The following KIFC3 variants were observed in gnomAD, a reference collection of about 807,000 sequenced individuals.
KIFC3 encodes kinesin family member C3.
KIFC3 carries 60 observed loss-of-function variants against 101.8 expected under a neutral mutation model. The observed-to-expected ratio is 0.59, with a 90% CI of 0.48 to 0.73. The LOEUF (loss-of-function observed/expected upper bound fraction) is 0.73. Among genes scored for constraint, KIFC3 ranks in the 30% least tolerant of loss-of-function variants. KIFC3 has a pLI of 0.00. For missense variants in KIFC3, 966 were observed against 1,137.1 expected (o/e 0.85, Z 2.16); for synonymous variants, 476 against 482.7 (o/e 0.99, Z 0.18).
chr16:57,843,134 A>G (rs1388887307), intron 1 of KIFC3, among the ~76,000 whole-genome samples: 2 of 152,162 alleles, frequency 1.3e-5, no homozygotes, highest in African/African-American at 4.8e-5. Flanking sequence ...ATTCTGTCTC[A>G]AAAAATATAT....
chr16:57,786,464 G>T (rs1433652006), intron 3 of KIFC3, among the ~76,000 whole-genome samples: 4 of 152,146 alleles, frequency 2.6e-5, no homozygotes, highest in Admixed American at 2.6e-4. Context: ...AGGGCGCCAA[G>T]AATGGCCATG....
intron 6 of KIFC3, 77 bp from the exon 7 acceptor site, chr16:57,770,777 C>G (rs2051064832): frequency 2.4e-6 from 3 of 1,237,242 alleles, no homozygotes; most frequent in Non-Finnish European, 3.2e-6. Flanking sequence ...CGCAGCAGGC[C>G]AGGGGAAGGA....
At chr16:57,831,296 C>G (rs2149294924) in intron 1 of KIFC3, among the ~76,000 whole-genome samples, 1 of 152,322 alleles carries the variant, frequency 6.6e-6, no homozygotes, top group Admixed American at 6.5e-5. Context: ...GCTCTTGTGA[C>G]TCTTCCAATA....
chr16:57,860,891 T>C (rs1959235466), intron 1 of KIFC3, among the ~76,000 whole-genome samples: 1 of 152,050 alleles, frequency 6.6e-6, no homozygotes, highest in South Asian at 2.1e-4. Flanking sequence ...TTTATATCTT[T>C]TGTAAAGACA....
upstream of KIFC3, chr16:57,803,087 C>T (rs2054842132): frequency 1.3e-6 from 2 of 1,490,540 alleles, no homozygotes; most frequent in Admixed American, 2.0e-5. Flanking sequence ...GCCTTCTAGC[C>T]ACAGCACTTC....
intron 3 of KIFC3, among the ~76,000 whole-genome samples, chr16:57,792,118 C>T (rs897091604): frequency 6.6e-6 from 1 of 152,192 alleles, no homozygotes; most frequent in Non-Finnish European, 1.5e-5. Flanking sequence ...TCCTTCAAGG[C>T]TCTGTGGAAA....
chr16:57,759,907 C>G, intron 17 of KIFC3, 71 bp from the exon 18 acceptor site: 1 of 1,188,880 alleles, frequency 8.4e-7, no homozygotes, highest in Non-Finnish European at 1.2e-6. Flanking sequence ...GTGCTTCTCT[C>G]TACTCCCCTG....
At chr16:57,821,130 T>TA (rs35996609) in intron 1 of KIFC3, among the ~76,000 whole-genome samples, 46,995 of 143,106 alleles carry the variant, frequency 0.33, 7,684 homozygotes, top group Middle Eastern at 0.38. Flanking sequence ...GCCTGTGTAT[T>TA]AAAAAAAAAA....
intron 1 of KIFC3, among the ~76,000 whole-genome samples, chr16:57,831,502 A>G (rs2055579939): frequency 6.6e-6 from 1 of 152,188 alleles, no homozygotes; most frequent in African/African-American, 2.4e-5. Flanking sequence ...TGATGTGGGC[A>G]CAAGACCCCG....
chr16:57,813,979 A>G (rs1555628282), intron 1 of KIFC3: 2 of 561,102 alleles, frequency 3.6e-6, no homozygotes, highest in South Asian at 7.7e-5. Flanking sequence ...TCCTCATGCT[A>G]TAGATTTGAC....
upstream of KIFC3, chr16:57,807,792 C>CG (rs1227675953): frequency 6.6e-6 from 1 of 151,770 alleles, no homozygotes; most frequent in East Asian, 1.9e-4. Context: ...AAGCCAGGCG[C>CG]GGTGGCACAG....
chr16:57,758,770 G>C lies in KIFC3; in HGVS notation c.*164C>G. On this transcript the variant is annotated 3_prime_UTR_variant, in exon 20 of 20. Transcript: ENST00000445690. ...CTGAACATGTTTCTCATCTTTGAGG[G>C]GAGACGGGGCAGAAGAAGAGCCTCC... is the stretch of plus-strand genomic sequence containing the variant. The C allele has an allele frequency of 9.2e-7, 1 of 1,085,894 alleles. No homozygotes were observed. Among genetic ancestry groups the C allele is most frequent in the Non-Finnish European group, 1.4e-6 (1 of 709,086 alleles). The allele number at this position is 1,085,894 out of a possible 1,614,324, so 67.3% of individuals were successfully genotyped here. A position where few individuals can be genotyped will look rare whatever the true frequency, so the allele number is the denominator to read the frequency against.
upstream of KIFC3, among the ~76,000 whole-genome samples, chr16:57,806,819 T>C (rs1267336521): frequency 6.6e-6 from 1 of 152,204 alleles, no homozygotes; most frequent in African/African-American, 2.4e-5. Flanking sequence ...CATTCTGGAG[T>C]GAGCCGCATA....
At chr16:57,854,604 G>A (rs2056125400) in intron 1 of KIFC3, among the ~76,000 whole-genome samples, 1 of 150,616 alleles carries the variant, frequency 6.6e-6, no homozygotes, top group Admixed American at 6.7e-5. Flanking sequence ...CTCCAGCCTG[G>A]GTGACAGAGC....
Position 57,761,144 on chromosome 16 carries a change from T to G in KIFC3, c.1900A>C (p.Thr634Pro). 6.2e-7 allele frequency: 1 copy of G among 1,613,910 alleles called. No individual in the cohort carries two copies. The highest frequency in any genetic ancestry group is 8.5e-7 in the Non-Finnish European group (1 of 1,179,944). Residue 634 changes from threonine (T) to proline (P), a missense_variant, in exon 15 of 20, where the codon ACG becomes CCG. Coordinates refer to ENST00000445690, the MANE Select transcript of KIFC3 (RefSeq NM_001130100.2). ...KVFEFGHTNR[T>P]TEFTNLNEHS... ...TCGTTCAGGTTGGTGAACTCGGTCG[T>G]GCGATTAGTGTGGCCAAACTCAAAC...
At chr16:57,807,921 T>A (rs1598182633), upstream of KIFC3, 2 of 91,830 alleles carry the variant, frequency 2.2e-5, no homozygotes, top group African/African-American at 4.4e-5. Flanking sequence ...CAGAGCAAGA[T>A]CCTGTCTTAA....
intron 3 of KIFC3, among the ~76,000 whole-genome samples, chr16:57,789,221 A>G (rs529772981): frequency 6.6e-6 from 1 of 152,350 alleles, no homozygotes; most frequent in Admixed American, 6.5e-5. Context: ...GAGCAGGGGA[A>G]GGGCCACAGC....
intron 1 of KIFC3, among the ~76,000 whole-genome samples, chr16:57,821,732 A>G (rs150253548): frequency 6.6e-6 from 1 of 152,196 alleles, no homozygotes; most frequent in Non-Finnish European, 1.5e-5. Flanking sequence ...CGCTGACCTC[A>G]GAATTCCTGA....
rs200687702 is a variant in KIFC3 at position 57,765,501 on chromosome 16, G to A, written c.1470C>T (p.Phe490=). The A allele has an allele frequency of 5.0e-5, 79 of 1,590,578 alleles. No individual in the cohort carries two copies. In the East Asian group the frequency reaches 8.6e-4, roughly 17 times the overall value. ...GTGGGGAGAAGACCTTGTCCAGCTC[G>A]AAGGACACAGGCTTGCCCTTGTGCA... The part of the protein sequence containing the change: ...HLLHKGKPVS[F]ELDKVFSPQA... The change falls in exon 11 of 20, where the codon TTC becomes TTT. Residue 490 remains phenylalanine, a synonymous_variant. Transcript: ENST00000445690.
Sources: allele counts gnomAD v4.1 joint callset (sites outside exome capture counted in the v4.1 genomes callset), GRCh38; gene constraint gnomAD v4.1.1; transcripts MANE v1.5; gene names NCBI Gene and HGNC (gene_info 2026-07-23, HGNC 2026-07-21).